Variants in PLD5 observed in about 807,000 individuals in gnomAD.
PLD5 encodes inactive phospholipase D5.
PLD5 carries 36 observed loss-of-function variants against 61.1 expected under a neutral mutation model. The ratio of observed to expected loss-of-function variants is 0.59; its 90% CI spans 0.45 to 0.78. The LOEUF (loss-of-function observed/expected upper bound fraction) is 0.78. Among genes scored for constraint, PLD5 ranks in the 30% least tolerant of loss-of-function variants. The probability of loss-of-function intolerance (pLI) is 0.00; values close to 1 mark genes in which losing one functional copy is unlikely to be tolerated. For missense variants in PLD5, 515 were observed against 644.4 expected (o/e 0.80, Z 2.17); for synonymous variants, 243 against 242.8 (o/e 1.00, Z -0.01).
intron 5 of PLD5, among the ~76,000 whole-genome samples, chr1:242,147,244 G>A (rs1279185336): frequency 1.3e-5 from 2 of 152,024 alleles, no homozygotes; most frequent in African/African-American, 2.4e-5. Context: ...TAAGAATGTC[G>A]TATAAACTGA....
At chr1:242,378,064 C>T (rs767752485) in intron 1 of PLD5, among the ~76,000 whole-genome samples, 4 of 152,048 alleles carry the variant, frequency 2.6e-5, no homozygotes, top group Non-Finnish European at 5.9e-5. Context: ...GAGAAATGTA[C>T]AACAATGTTC....
At chr1:242,463,112 C>G (rs1480355608) in intron 1 of PLD5, among the ~76,000 whole-genome samples, 1 of 152,220 alleles carries the variant, frequency 6.6e-6, no homozygotes, top group South Asian at 2.1e-4. Context: ...GAGCTCATAT[C>G]TTTTCCTCGC....
intron 1 of PLD5, among the ~76,000 whole-genome samples, chr1:242,404,341 G>A (rs2149281420): frequency 6.6e-6 from 1 of 152,284 alleles, no homozygotes; most frequent in Middle Eastern, 3.4e-3. Flanking sequence ...TACCAGGTGG[G>A]AGGATTAACC....
At chr1:242,119,254 T>C (rs748501876) in intron 6 of PLD5, among the ~76,000 whole-genome samples, 3 of 152,148 alleles carry the variant, frequency 2.0e-5, no homozygotes, top group Non-Finnish European at 4.4e-5. Flanking sequence ...AACAGTTTCA[T>C]GGTTTTAAAA....
chr1:242,376,402 C>G (rs556274023), intron 1 of PLD5, among the ~76,000 whole-genome samples: 3 of 152,276 alleles, frequency 2.0e-5, no homozygotes, highest in African/African-American at 7.2e-5. Flanking sequence ...GCAGGCACAT[C>G]GAGGAAGTGC....
chr1:242,264,032 A>G (rs1293737737), intron 4 of PLD5, among the ~76,000 whole-genome samples: 1 of 152,196 alleles, frequency 6.6e-6, no homozygotes, highest in East Asian at 1.9e-4. Context: ...AATCAAACCC[A>G]AAGAGATGCT....
chr1:242,464,410 A>G (rs1034613369), intron 1 of PLD5, among the ~76,000 whole-genome samples: 1 of 152,238 alleles, frequency 6.6e-6, no homozygotes, highest in Admixed American at 6.5e-5. Flanking sequence ...TATTTAGCAC[A>G]TAGCTTTCCT....
intron 2 of PLD5, among the ~76,000 whole-genome samples, chr1:242,314,291 A>G (rs971092892): frequency 1.3e-5 from 2 of 152,214 alleles, no homozygotes; most frequent in Non-Finnish European, 2.9e-5. Flanking sequence ...ATGGCTTTGC[A>G]TTAATCTACC....
intron 6 of PLD5, among the ~76,000 whole-genome samples, chr1:242,122,847 C>T (rs1442246529): frequency 1.3e-5 from 2 of 152,094 alleles, no homozygotes; most frequent in Admixed American, 1.3e-4. Flanking sequence ...TTCCTTTGAA[C>T]AGGCAAAAAG....
intron 3 of PLD5, among the ~76,000 whole-genome samples, chr1:242,267,629 C>T (rs1673768737): frequency 6.6e-6 from 1 of 151,766 alleles, no homozygotes; most frequent in South Asian, 2.1e-4. Context: ...CTTGTAATCC[C>T]AGTGCTTTGG....
At chr1:242,105,226 T>TC (rs1158316469) in intron 8 of PLD5, among the ~76,000 whole-genome samples, 1 of 151,214 alleles carries the variant, frequency 6.6e-6, no homozygotes, top group Non-Finnish European at 1.5e-5. Context: ...GTGTTGGTTT[T>TC]TTTTTTTTTC....
chr1:242,465,091 C>T (rs988167268), intron 1 of PLD5, among the ~76,000 whole-genome samples: 6 of 152,068 alleles, frequency 3.9e-5, no homozygotes, highest in Admixed American at 6.5e-5. Flanking sequence ...CACATCATCG[C>T]GAACATACCA....
chr1:242,404,803 C>A (rs1325962883), intron 1 of PLD5, among the ~76,000 whole-genome samples: 1 of 150,640 alleles, frequency 6.6e-6, no homozygotes, highest in Non-Finnish European at 1.5e-5. Context: ...TCCCACCCTT[C>A]TTCCATCAGA....
In PLD5 at chr1:242,134,972, T is replaced by C. The variant is rs191601485; in HGVS notation, c.736-10307A>G. ...ATCGCTGCCCATCCAGAAAGTTTTA[T>C]GTGTCTTAGTGGATAGAGCAAGGAC... On this transcript the variant is annotated intron_variant, in intron 5 of 9. Coordinates refer to ENST00000536534, the MANE Select transcript of PLD5 (RefSeq NM_001372062.1). Among the ~76,000 whole-genome samples the C allele has an allele frequency of 3.9e-5, 6 of 152,356 alleles. No individual in the cohort carries two copies. The East Asian group carries it at 1.2e-3, about 29-fold the overall frequency.
chr1:242,366,636 T>C (rs565129252), intron 1 of PLD5, among the ~76,000 whole-genome samples: 19 of 152,204 alleles, frequency 1.2e-4, no homozygotes, highest in Non-Finnish European at 2.4e-4. Flanking sequence ...TGGTAATTTA[T>C]TGCCATTACC....
intron 1 of PLD5, among the ~76,000 whole-genome samples, chr1:242,462,062 A>C (rs1667135936): frequency 2.0e-5 from 3 of 151,830 alleles, no homozygotes; most frequent in Admixed American, 2.0e-4. Context: ...CTGTGCAGAA[A>C]CTCTTTCATT....
chr1:242,488,106 A>G (rs555581177), intron 1 of PLD5, among the ~76,000 whole-genome samples: 38 of 152,180 alleles, frequency 2.5e-4, no homozygotes, highest in Admixed American at 2.3e-3. Flanking sequence ...AGGAACTCTC[A>G]TTAATTGCTA....
rs1200267992 is a variant in PLD5, at chr1:242,085,863, G to T, written c.*3991C>A. On this transcript the variant is annotated 3_prime_UTR_variant, in exon 10 of 10. Coordinates refer to ENST00000536534, the MANE Select transcript of PLD5 (RefSeq NM_001372062.1). ...TTGGACACAGAAACACACACCAGTGGTCATACGTGTGGAAAAAAAAAAAAG... is the reference window on the plus strand; with the variant it reads ...TTGGACACAGAAACACACACCAGTGTTCATACGTGTGGAAAAAAAAAAAAG... 1.4e-5 allele frequency: 2 copies of T among 142,242 alleles called. No homozygotes were observed. The highest frequency in any genetic ancestry group is 3.1e-5 in the Non-Finnish European group (2 of 65,202). The allele number at this position is 142,242 out of a possible 1,614,324, so 8.8% of individuals were successfully genotyped here. A position where few individuals can be genotyped will look rare whatever the true frequency, so the allele number is the denominator to read the frequency against.
intron 4 of PLD5, among the ~76,000 whole-genome samples, chr1:242,264,792 AT>A (rs1574634304): frequency 6.6e-6 from 1 of 152,232 alleles, no homozygotes; most frequent in East Asian, 1.9e-4. Flanking sequence ...TTATAGCAAA[AT>A]AAAAAAAAGT....
Sources: gnomAD v4.1 joint callset for allele counts (sites outside exome capture counted in the v4.1 genomes callset) on GRCh38, gnomAD v4.1.1 for gene constraint, MANE v1.5 for transcripts, NCBI Gene and HGNC (gene_info 2026-07-23, HGNC 2026-07-21) for gene names.